The following UBR4 variants were observed in gnomAD, a reference collection of about 807,000 sequenced individuals.
UBR4 encodes the protein ubiquitin protein ligase E3 component n-recognin 4.
UBR4 carries 124 observed loss-of-function variants against 575.6 expected under a neutral mutation model. The ratio of observed to expected loss-of-function variants is 0.22; its 90% CI spans 0.19 to 0.25. The LOEUF is 0.25. Among genes scored for constraint, UBR4 ranks in the 10% least tolerant of loss-of-function variants. The pLI is 1.00. For missense variants in UBR4, 4,818 were observed against 6,478.8 expected (o/e 0.74, Z 8.80); for synonymous variants, 2,455 against 2,473.7 (o/e 0.99, Z 0.22).
intron 17 of UBR4, 65 bp downstream of exon 17, chr1:19,183,746 G>A (rs970681754): frequency 4.0e-6 from 6 of 1,495,388 alleles, no homozygotes; most frequent in Middle Eastern, 1.8e-4. Context: ...ACAAACAATT[G>A]GAGCTGCAGC....
At position 19,101,631 on chromosome 1, in the gene UBR4, T is replaced by C; in HGVS notation, c.12912A>G (p.Ser4304=). 2 of 1,608,936 alleles carry C rather than the reference T, an allele frequency of 1.2e-6. No individual in the cohort carries two copies. Among genetic ancestry groups the C allele is most frequent in the Non-Finnish European group, 1.7e-6 (2 of 1,175,526 alleles). ...ACACAGCCATGAAGGCCTTGGTTTC[T>C]GATTCTGTACCTGCCAGAAATCAAA... The part of the protein sequence containing the change: ...MLEDMTTGTE[S]ETKAFMAVCI... Residue 4304 remains serine, a synonymous_variant, in exon 88 of 106, where the codon TCA becomes TCG. Coordinates refer to ENST00000375254, the MANE Select transcript of UBR4 (RefSeq NM_020765.3).
intron 101 of UBR4, 123 bp from the exon 102 acceptor site, chr1:19,084,821 CAAG>C: frequency 7.6e-6 from 7 of 922,286 alleles, no homozygotes; most frequent in Non-Finnish European, 1.1e-5. Context: ...CAAACGGAGA[CAAG>C]AATACAAGGG....
Position 19,114,819 on chromosome 1 carries a change from G to T in UBR4, c.11194C>A (p.Arg3732=). 1 of 1,614,044 alleles carries T rather than the reference G, an allele frequency of 6.2e-7. No individual in the cohort carries two copies. The highest frequency in any genetic ancestry group is 8.5e-7 in the Non-Finnish European group (1 of 1,180,006). The change falls in exon 75 of 106, where the codon CGG becomes AGG. Residue 3732 remains arginine (R), a synonymous_variant. Coordinates refer to ENST00000375254, the MANE Select transcript of UBR4 (RefSeq NM_020765.3). Reference sequence around the variant, plus strand: ...GCCAGATCTGGCCTCACCTTCTTCCGGTCTTCTTCATTCTCAATGGGATCC... The same window carrying T: ...GCCAGATCTGGCCTCACCTTCTTCCTGTCTTCTTCATTCTCAATGGGATCC... The part of the protein sequence containing the change: ...AVDPIENEED[R]KKAVSNINTL...
At position 19,081,860 on chromosome 1, in the gene UBR4, G is replaced by A. The variant is rs1425353763; in HGVS notation, c.15009-287C>T. 5 of 648,356 alleles carry A rather than the reference G, an allele frequency of 7.7e-6. No homozygotes were observed. The East Asian group carries it at 1.4e-4, about 18-fold the overall frequency. The allele number at this position is 648,356 out of a possible 1,614,324, so 40.2% of individuals were successfully genotyped here. On this transcript the variant is annotated intron_variant, in intron 102 of 105. Coordinates refer to ENST00000375254, the MANE Select transcript of UBR4 (RefSeq NM_020765.3). ...ATTCCAAGCAACTACTGGTTCCTGA[G>A]CACCATATATCAGGGACGTTCACAA...
Position 19,078,046 on chromosome 1 carries a change from T to G in UBR4, c.15254A>C (p.Lys5085Thr). The change falls in exon 104 of 106, where the codon AAG becomes ACG. Residue 5085 changes from lysine (K) to threonine (T), a missense_variant. Physicochemically the swap from Lys to Thr is moderately conservative, Grantham distance 78. Around this residue, in one of 29 missense-constraint regions of UBR4, gnomAD observed 212 missense variants for 221.3 expected, o/e 0.96. Transcript: ENST00000375254. The stretch of plus-strand genomic sequence containing the variant: ...GGAAGAACGGTAAGCGGAATAGTCC[T>G]TCACTGCCTTATCTGTCAGCCTGGA... ...GATRLTDKAV[K>T]DYSAYRSSLL... is the part of the protein sequence containing the mutation. 6.2e-7 allele frequency: 1 copy of G among 1,614,034 alleles called. No homozygotes were observed. Among genetic ancestry groups the G allele is most frequent in the South Asian group, 1.1e-5 (1 of 91,078 alleles).
chr1:19,154,426 C>G (rs1467194317), intron 44 of UBR4, among the ~76,000 whole-genome samples: 3 of 152,182 alleles, frequency 2.0e-5, no homozygotes, highest in Non-Finnish European at 4.4e-5. Flanking sequence ...TTCCTCCTCC[C>G]TAAATGAAAC....
intron 20 of UBR4, among the ~76,000 whole-genome samples, chr1:19,176,256 T>C (rs2090249268): frequency 2.6e-5 from 4 of 152,024 alleles, no homozygotes; most frequent in Middle Eastern, 3.4e-3. Context: ...CCTGGCTAAA[T>C]GTTGTTTGTA....
chr1:19,144,880 T>C lies in UBR4; in HGVS notation c.7973A>G (p.Asn2658Ser), dbSNP rs144410840. Residue 2658 changes from asparagine (N) to serine (S), a missense_variant, in exon 54 of 106, where the codon AAT (asparagine) becomes AGT (serine). Physicochemically the swap from Asn to Ser is conservative, Grantham distance 46. Around this residue, in one of 29 missense-constraint regions of UBR4, gnomAD observed 340 missense variants for 375.4 expected, o/e 0.91. Coordinates refer to ENST00000375254, the MANE Select transcript of UBR4 (RefSeq NM_020765.3). ...PGLTHIEATVNALVDIIHGYC... is the reference protein window; with the variant it reads ...PGLTHIEATVSALVDIIHGYC... ...GCCATGGATGATGTCCACCAGAGCA[T>C]TGACAGTAGCTTCAATATGAGTTAG... The C allele has an allele frequency of 1.6e-4, 262 of 1,614,106 alleles. No individual in the cohort carries two copies. The highest frequency in any genetic ancestry group is 2.0e-4 in the Non-Finnish European group (231 of 1,179,996).
chr1:19,124,985 G>C (rs2081567398), intron 64 of UBR4, among the ~76,000 whole-genome samples: 1 of 151,658 alleles, frequency 6.6e-6, no homozygotes, highest in East Asian at 1.9e-4. Context: ...CCTACATAAA[G>C]ATGAGTGCTA....
In UBR4 at chr1:19,106,619, T is replaced by A; in HGVS notation, c.12343A>T (p.Arg4115Trp). The A allele has an allele frequency of 6.2e-7, 1 of 1,602,286 alleles. No individual in the cohort carries two copies. The highest frequency in any genetic ancestry group is 8.5e-7 in the Non-Finnish European group (1 of 1,174,610). ...AGTTTGAGATCCAAGGGGGAGGTCC[T>A]CTTCCCCCGACGACTCAGGAACTGT... ...WKQFLSRRGK[R>W]TSPLDLKLGH... The change falls in exon 83 of 106, where the codon AGG becomes TGG. Residue 4115 changes from arginine (R) to tryptophan (W), a missense_variant. Transcript: ENST00000375254.
At chr1:19,167,296 C>G in intron 28 of UBR4, 65 bp from the exon 29 acceptor site, 1 of 1,563,632 alleles carries the variant, frequency 6.4e-7, no homozygotes, top group South Asian at 1.1e-5. Context: ...AAAGCAAGGA[C>G]AGGGTAATTC....
At chr1:19,119,190 A>G (rs1376276582) in intron 70 of UBR4, among the ~76,000 whole-genome samples, 2 of 152,174 alleles carry the variant, frequency 1.3e-5, no homozygotes, top group Admixed American at 1.3e-4. Flanking sequence ...ATGGAGGAAG[A>G]TCATTTTTAT....
At chr1:19,198,261 G>A (rs1347993863) in intron 5 of UBR4, among the ~76,000 whole-genome samples, 2 of 152,144 alleles carry the variant, frequency 1.3e-5, no homozygotes, top group South Asian at 2.1e-4. Context: ...TAACCAAAAT[G>A]GAGTGATGCC....
rs150354276 is a variant in UBR4 at position 19,164,432 on chromosome 1, C to T, written c.4521G>A (p.Gly1507=). ...CCAGAAGAACAGCACACACACCTTCCCCAACTTGGCTAGGAGAAAAGAAAG... is the reference window on the plus strand; with the variant it reads ...CCAGAAGAACAGCACACACACCTTCTCCAACTTGGCTAGGAGAAAAGAAAG... ...TYIVRENSQV[G]EGVCAVLLGT... The change falls in exon 33 of 106, where the codon GGG becomes GGA. Residue 1507 remains glycine, a synonymous_variant. Coordinates refer to ENST00000375254, the MANE Select transcript of UBR4 (RefSeq NM_020765.3). 4.2e-4 allele frequency: 685 copies of T among 1,613,410 alleles called. 1 individual carries two copies. Among genetic ancestry groups the T allele is most frequent in the Non-Finnish European group, 5.5e-4 (644 of 1,179,784 alleles).
intron 25 of UBR4, among the ~76,000 whole-genome samples, chr1:19,172,573 GT>G (rs753383142): frequency 2.0e-5 from 3 of 152,148 alleles, no homozygotes; most frequent in Non-Finnish European, 4.4e-5. Flanking sequence ...CTTTAACTCA[GT>G]TAATAACAGA....
At position 19,146,938 on chromosome 1, in the gene UBR4, A is replaced by T. The variant is rs1267009793; in HGVS notation, c.7692T>A (p.Asp2564Glu). The change falls in exon 52 of 106, where the codon GAT becomes GAA. Residue 2564 changes from aspartate to glutamate, a missense_variant. By Grantham distance (45) the Asp-to-Glu change is conservative. This residue lies in a region of UBR4 where 340 missense variants were observed against 375.4 expected (regional missense o/e 0.91). Transcript: ENST00000375254. ...CLNTSSKEGK[D>E]LDPEVFQRLV... ...GCCTCTGGAACACCTCAGGGTCCAA[A>T]TCCTTGCCCTCTTTGCTAGATGTGT... 3.1e-6 allele frequency: 5 copies of T among 1,613,760 alleles called. No homozygotes were observed. Among genetic ancestry groups the T allele is most frequent in the Non-Finnish European group, 3.4e-6 (4 of 1,179,888 alleles).
chr1:19,076,337 T>C (rs1570049606), intron 105 of UBR4, among the ~76,000 whole-genome samples: 2 of 152,286 alleles, frequency 1.3e-5, no homozygotes, highest in South Asian at 4.1e-4. Context: ...ATGTTAATTC[T>C]CTGAACTGCC....
chr1:19,208,191 G>C (rs2093104209), intron 1 of UBR4, among the ~76,000 whole-genome samples: 1 of 151,912 alleles, frequency 6.6e-6, no homozygotes, highest in Admixed American at 6.6e-5. Flanking sequence ...CTTCCGGCTG[G>C]GCACGGTAGC....
intron 63 of UBR4, 38 bp downstream of exon 63, chr1:19,127,585 T>G (rs1216644923): frequency 6.4e-7 from 1 of 1,551,454 alleles, no homozygotes; most frequent in East Asian, 2.2e-5. Context: ...ACAATCCGCT[T>G]ACCTTTCCCC....
Sources: gnomAD v4.1 joint callset for allele counts (sites outside exome capture counted in the v4.1 genomes callset) on GRCh38, gnomAD v4.1.1 for gene constraint, gnomAD v4.1.1 regional missense constraint, MANE v1.5 for transcripts, NCBI Gene and HGNC (gene_info 2026-07-23, HGNC 2026-07-21) for gene names.